H2BN1: variants seen among roughly 807,000 people sequenced by gnomAD.
H2BN1 encodes the protein H2B.N variant histone 1, also known as histone H2B.N.
the H2BN1 span, among the ~76,000 whole-genome samples, chr17:32,896,026 T>C: frequency 6.6e-6 from 1 of 151,664 alleles, no homozygotes; most frequent in African/African-American, 2.4e-5. Flanking sequence ...ACCTCCCAAG[T>C]AGATGAGACT....
At chr17:32,897,817 G>A in the H2BN1 span, among the ~76,000 whole-genome samples, 1 of 152,214 alleles carries the variant, frequency 6.6e-6, no homozygotes, top group African/African-American at 2.4e-5. Context: ...AGACCACAAA[G>A]AAGTAACAGG....
the H2BN1 span, chr17:32,905,603 G>C: frequency 6.6e-6 from 1 of 152,164 alleles, no homozygotes; most frequent in Non-Finnish European, 1.5e-5. Flanking sequence ...ACAGTCTCAG[G>C]AGGCTCTGAT....
chr17:32,900,726 C>T, the H2BN1 span, among the ~76,000 whole-genome samples: 53 of 152,030 alleles, frequency 3.5e-4, no homozygotes, highest in East Asian at 8.8e-3. Context: ...GGACTACAGG[C>T]GCCTGCCACC....
At chr17:32,897,034 C>T in the H2BN1 span, among the ~76,000 whole-genome samples, 1 of 152,272 alleles carries the variant, frequency 6.6e-6, no homozygotes, top group South Asian at 2.1e-4. Flanking sequence ...CACCTTGTAC[C>T]TCCCAAGGCT....
At chr17:32,895,922 G>A in the H2BN1 span, among the ~76,000 whole-genome samples, 9 of 151,782 alleles carry the variant, frequency 5.9e-5, no homozygotes, top group African/African-American at 1.9e-4. Flanking sequence ...TTTTGAGATG[G>A]GGTCTTGCTC....
the H2BN1 span, among the ~76,000 whole-genome samples, chr17:32,900,686 A>G: frequency 2.0e-5 from 3 of 151,676 alleles, no homozygotes; most frequent in Non-Finnish European, 4.4e-5. Flanking sequence ...GGTTCACGCC[A>G]TTCTCCTGCC....
At chr17:32,904,459 C>A in the H2BN1 span, among the ~76,000 whole-genome samples, 2,535 of 152,286 alleles carry the variant, frequency 0.017, 64 homozygotes, top group African/African-American at 0.056. Flanking sequence ...TAGCTCTCAT[C>A]CACCATTACA....
chr17:32,903,925 T>C, the H2BN1 span, among the ~76,000 whole-genome samples: 1 of 152,202 alleles, frequency 6.6e-6, no homozygotes, highest in African/African-American at 2.4e-5. Flanking sequence ...GTGTGCTGCT[T>C]GTGGCCAGAC....
At chr17:32,896,009 C>T in the H2BN1 span, among the ~76,000 whole-genome samples, 1 of 152,048 alleles carries the variant, frequency 6.6e-6, no homozygotes, top group South Asian at 2.1e-4. Flanking sequence ...ATGATTCTTC[C>T]ACCTCAACCT....
chr17:32,900,499 A>G, the H2BN1 span, among the ~76,000 whole-genome samples: 3 of 152,232 alleles, frequency 2.0e-5, no homozygotes, highest in East Asian at 1.9e-4. Flanking sequence ...AAGGATTTCA[A>G]AAAAAGGCAA....
the H2BN1 span, among the ~76,000 whole-genome samples, chr17:32,903,286 T>TC: frequency 6.6e-6 from 1 of 152,014 alleles, no homozygotes; most frequent in Non-Finnish European, 1.5e-5. Flanking sequence ...ACTTTTTTTT[T>TC]CCTATCTTAG....
At chr17:32,897,233 A>G in the H2BN1 span, among the ~76,000 whole-genome samples, 1 of 151,912 alleles carries the variant, frequency 6.6e-6, no homozygotes, top group Non-Finnish European at 1.5e-5. Flanking sequence ...GTTGAGGAGG[A>G]AGTATTTCTC....
the H2BN1 span, among the ~76,000 whole-genome samples, chr17:32,902,637 G>A: frequency 6.6e-6 from 1 of 152,088 alleles, no homozygotes; most frequent in South Asian, 2.1e-4. Context: ...TCAGGAGATC[G>A]AGACCATCCT....
chr17:32,896,792 G>T, the H2BN1 span, among the ~76,000 whole-genome samples: 2 of 152,164 alleles, frequency 1.3e-5, no homozygotes, highest in Non-Finnish European at 2.9e-5. Context: ...TCTGCTACAT[G>T]CCAGTTGCTC....
the H2BN1 span, among the ~76,000 whole-genome samples, chr17:32,900,085 G>A: frequency 6.6e-6 from 1 of 152,134 alleles, no homozygotes; most frequent in South Asian, 2.1e-4. Flanking sequence ...CAATTGACAA[G>A]GAAATTTGTT....
At chr17:32,901,713 C>T in the H2BN1 span, among the ~76,000 whole-genome samples, 1 of 152,000 alleles carries the variant, frequency 6.6e-6, no homozygotes, top group East Asian at 1.9e-4. Context: ...ATTTTGTGCC[C>T]TTTAAAAGGA....
At chr17:32,903,854 CT>C in the H2BN1 span, among the ~76,000 whole-genome samples, 1 of 152,134 alleles carries the variant, frequency 6.6e-6, no homozygotes, top group Non-Finnish European at 1.5e-5. Flanking sequence ...TTATGTCTCA[CT>C]TTTTTTCTGA....
At chr17:32,895,745 A>C in the H2BN1 span, among the ~76,000 whole-genome samples, 1 of 152,188 alleles carries the variant, frequency 6.6e-6, no homozygotes, top group Admixed American at 6.5e-5. Context: ...GTTATGTGCC[A>C]ACAGCTTTTC....
chr17:32,903,246 G>A, the H2BN1 span, among the ~76,000 whole-genome samples: 3 of 151,860 alleles, frequency 2.0e-5, no homozygotes, highest in South Asian at 6.2e-4. Context: ...AGGCATGCCA[G>A]TGGAAGTACT....
Sources: gnomAD v4.1 joint callset for allele counts (sites outside exome capture counted in the v4.1 genomes callset) on GRCh38, gnomAD v4.1.1 for gene constraint, MANE v1.5 for transcripts, NCBI Gene and HGNC (gene_info 2026-07-23, HGNC 2026-07-21) for gene names.